PNPT1: variants seen among roughly 807,000 people sequenced by gnomAD.
PNPT1 encodes polyribonucleotide nucleotidyltransferase 1.
Under a neutral mutation model 119.5 loss-of-function variants are expected in PNPT1, and 53 were observed. The ratio of observed to expected loss-of-function variants is 0.44; its 90% CI spans 0.36 to 0.56. The LOEUF (loss-of-function observed/expected upper bound fraction) is 0.56, where lower values mean the gene tolerates loss of function less well. PNPT1 is among the 20% of genes least tolerant of loss of function. PNPT1 has a pLI of 0.00. For synonymous variants in PNPT1, 357 were observed against 322.1 expected (o/e 1.11, Z -1.16); for missense variants, 948 against 938.5 (o/e 1.01, Z -0.13).
intron 15 of PNPT1, among the ~76,000 whole-genome samples, chr2:55,658,496 C>T (rs1696462243): frequency 6.6e-6 from 1 of 152,060 alleles, no homozygotes; most frequent in Non-Finnish European, 1.5e-5. Flanking sequence ...ATTAAGCCAT[C>T]CTTTGTTTTA....
At chr2:55,676,418 T>C (rs571366399) in intron 8 of PNPT1, among the ~76,000 whole-genome samples, 1 of 152,286 alleles carries the variant, frequency 6.6e-6, no homozygotes, top group Admixed American at 6.5e-5. Flanking sequence ...CTGACCGATA[T>C]CTTCTCACAC....
At chr2:55,636,537 C>A in intron 27 of PNPT1, 145 bp from the exon 28 acceptor site, 1 of 779,138 alleles carries the variant, frequency 1.3e-6, no homozygotes. Flanking sequence ...GCTAAGTGGA[C>A]GTATACACTT....
chr2:55,685,363 C>T (rs941602394), intron 3 of PNPT1, among the ~76,000 whole-genome samples: 1 of 151,988 alleles, frequency 6.6e-6, no homozygotes, highest in Non-Finnish European at 1.5e-5. Flanking sequence ...TGTCTCTACC[C>T]CCAACAAAAA....
At position 55,659,582 on chromosome 2, in the gene PNPT1, A is replaced by G. The variant is rs776930138; in HGVS notation, c.1284+575T>C. ...ATACTTTAACTTTTACGTATGACTTAGAACAGGAAGTTGTTGATTAGAAAA... is the reference window on the plus strand; with the variant it reads ...ATACTTTAACTTTTACGTATGACTTGGAACAGGAAGTTGTTGATTAGAAAA... On this transcript the variant is annotated intron_variant, in intron 15 of 27. Coordinates refer to ENST00000447944, the MANE Select transcript of PNPT1 (RefSeq NM_033109.5). Among the ~76,000 whole-genome samples, 53 of 152,142 alleles carry G rather than the reference A, an allele frequency of 3.5e-4. 1 individual carries two copies. The Middle Eastern group carries it at 0.01, about 29-fold the overall frequency.
chr2:55,682,456 G>A (rs1265491426), intron 5 of PNPT1, among the ~76,000 whole-genome samples: 3 of 151,072 alleles, frequency 2.0e-5, no homozygotes, highest in East Asian at 1.9e-4. Context: ...GGGAGACTCT[G>A]TCTCAAAAAA....
chr2:55,680,427 A>T (rs923506948), intron 7 of PNPT1, among the ~76,000 whole-genome samples: 511 of 2,880 alleles, frequency 0.18, 2 homozygotes, highest in African/African-American at 0.35. Context: ...TTCCCAGTTA[A>T]AAAAAAAAAA....
intron 8 of PNPT1, among the ~76,000 whole-genome samples, chr2:55,675,855 C>T (rs1418639361): frequency 6.6e-6 from 1 of 152,216 alleles, no homozygotes; most frequent in Non-Finnish European, 1.5e-5. Context: ...CTAGCCACAT[C>T]TGAAGTGCTA....
chr2:55,642,995 G>A (rs539391560), intron 25 of PNPT1, among the ~76,000 whole-genome samples, 163 bp downstream of exon 25: 1 of 152,146 alleles, frequency 6.6e-6, no homozygotes, highest in Non-Finnish European at 1.5e-5. Flanking sequence ...GTGTGTGCTT[G>A]TAGTCCTAAA....
At chr2:55,678,261 C>G (rs1313278252) in intron 8 of PNPT1, among the ~76,000 whole-genome samples, 1 of 152,190 alleles carries the variant, frequency 6.6e-6, no homozygotes, top group Admixed American at 6.5e-5. Flanking sequence ...GATGCTCAAA[C>G]ATGAGGTAGA....
At chr2:55,652,335 G>A (rs1696237136) in intron 18 of PNPT1, among the ~76,000 whole-genome samples, 1 of 152,012 alleles carries the variant, frequency 6.6e-6, no homozygotes. Flanking sequence ...CCATCCCACA[G>A]GACTTGACAT....
rs760654820 is a variant in PNPT1, at chr2:55,661,929, A to G, written c.1247+27T>C. ...TATATAATAGAACATCATAAAACGT[A>G]ACAAACATCTTAAAAACATAACTTA... On this transcript the variant is annotated intron_variant, in intron 14 of 27. Coordinates refer to ENST00000447944, the MANE Select transcript of PNPT1 (RefSeq NM_033109.5). 4 of 1,530,316 alleles carry G rather than the reference A, an allele frequency of 2.6e-6. No individual in the cohort carries two copies. The African/African-American group carries it at 5.7e-5, about 22-fold the overall frequency. The allele number at this position is 1,530,316 out of a possible 1,614,324, so 94.8% of individuals were successfully genotyped here. A position where few individuals can be genotyped will look rare whatever the true frequency, so the allele number is the denominator to read the frequency against.
Position 55,693,766 on chromosome 2 carries a change from GACC to G in PNPT1, c.55_57del (p.Gly19del), listed in dbSNP as rs774865905. On this transcript the variant is annotated inframe_deletion, in exon 1 of 28. Coordinates refer to ENST00000447944, the MANE Select transcript of PNPT1 (RefSeq NM_033109.5). ...CGATCCCGCCGTGGCAGAAGGAAAG[GACC>G]ATCGCTCAGGGGCCGGAGCCGGAGG... 1.9e-6 allele frequency: 3 copies of G among 1,614,172 alleles called. No homozygotes were observed. The highest frequency in any genetic ancestry group is 1.3e-5 in the African/African-American group (1 of 75,070).
chr2:55,651,926 T>C (rs1413190323), intron 18 of PNPT1, among the ~76,000 whole-genome samples: 1 of 148,838 alleles, frequency 6.7e-6, no homozygotes, highest in Admixed American at 6.7e-5. Context: ...AACATATGGT[T>C]CTACTTTATT....
chr2:55,645,662 G>A (rs955397335), intron 21 of PNPT1, among the ~76,000 whole-genome samples: 2 of 152,056 alleles, frequency 1.3e-5, no homozygotes, highest in Non-Finnish European at 2.9e-5. Flanking sequence ...CCACTTTGGC[G>A]TGTATTCATG....
chr2:55,688,075 G>C (rs924081632), intron 1 of PNPT1, among the ~76,000 whole-genome samples: 1 of 147,184 alleles, frequency 6.8e-6, no homozygotes. Context: ...ACAGGGTCTT[G>C]CTCTGTTGCC....
At chr2:55,668,272 T>C (rs918726256) in intron 11 of PNPT1, among the ~76,000 whole-genome samples, 2 of 152,226 alleles carry the variant, frequency 1.3e-5, no homozygotes, top group African/African-American at 4.8e-5. Context: ...AGTCTCACTC[T>C]GTTGTCCAGG....
intron 27 of PNPT1, among the ~76,000 whole-genome samples, chr2:55,637,270 C>A (rs1262245834): frequency 1.3e-5 from 2 of 152,184 alleles, no homozygotes; most frequent in Admixed American, 1.3e-4. Context: ...CGTCAGTGCC[C>A]AAATCATGGA....
intron 8 of PNPT1, among the ~76,000 whole-genome samples, chr2:55,678,185 C>G (rs188244291): frequency 6.6e-6 from 1 of 152,198 alleles, no homozygotes; most frequent in Non-Finnish European, 1.5e-5. Flanking sequence ...TAAACAAACG[C>G]TGTAACTTTC....
At chr2:55,663,994 A>C (rs1465597647) in intron 13 of PNPT1, among the ~76,000 whole-genome samples, 1 of 152,126 alleles carries the variant, frequency 6.6e-6, no homozygotes, top group Non-Finnish European at 1.5e-5. Context: ...ATCCCAAAAA[A>C]AGAAAACTCA....
Sources: allele counts gnomAD v4.1 joint callset (sites outside exome capture counted in the v4.1 genomes callset), GRCh38; gene constraint gnomAD v4.1.1; transcripts MANE v1.5; gene names NCBI Gene and HGNC (gene_info 2026-07-23, HGNC 2026-07-21).